ZNF595: variants seen among roughly 807,000 people sequenced by gnomAD.
ZNF595 encodes zinc finger protein 595.
ZNF595 carries 9 observed loss-of-function variants against 19.4 expected under a neutral mutation model. The observed-to-expected ratio is 0.46, with a 90% CI of 0.28 to 0.81. ZNF595 has a LOEUF of 0.81. ZNF595 is among the 30% of genes least tolerant of loss of function. The pLI is 0.11. For synonymous variants in ZNF595, 255 were observed against 255.9 expected, an observed-to-expected ratio of 1.00 and a Z score of 0.03; for missense variants, 729 against 736.0, an observed-to-expected ratio of 0.99 and a Z score of 0.11.
intron 3 of ZNF595, among the ~76,000 whole-genome samples, chr4:61,958 A>C (rs1437328963): frequency 6.9e-6 from 1 of 145,738 alleles, no homozygotes; most frequent in East Asian, 2.0e-4. Context: ...ACATTTTGAA[A>C]CAAAATGTCA....
chr4:86,012 G>A lies in ZNF595; in HGVS notation c.508G>A (p.Glu170Lys), dbSNP rs1714128131. The A allele has an allele frequency of 6.2e-7, 1 of 1,608,534 alleles. No homozygotes were observed. The highest frequency in any genetic ancestry group is 1.7e-5 in the Admixed American group (1 of 58,896). Reference sequence around the variant, plus strand: ...CAAACATAAGATAAGACATACTGGAGAGAAACCCTTTAAATGTACAGAATG... The same window carrying A: ...CAAACATAAGATAAGACATACTGGAAAGAAACCCTTTAAATGTACAGAATG... ...SNKHKIRHTGEKPFKCTECGR... is the reference protein window; with the variant it reads ...SNKHKIRHTGKKPFKCTECGR... Residue 170 changes from glutamate to lysine, a missense_variant, in exon 4 of 4, where the codon GAG becomes AAG. This residue lies in a region of ZNF595 where 729 missense variants were observed against 675.3 expected (regional missense o/e 1.08). Transcript: ENST00000610261.
At chr4:76,865 G>A (rs191606784) in intron 3 of ZNF595, among the ~76,000 whole-genome samples, 19 of 151,942 alleles carry the variant, frequency 1.3e-4, no homozygotes, top group Admixed American at 9.2e-4. Flanking sequence ...CTTTTCTCTT[G>A]CTTCTTTTAA....
At chr4:76,741 T>G (rs1462710141) in intron 3 of ZNF595, among the ~76,000 whole-genome samples, 2 of 152,214 alleles carry the variant, frequency 1.3e-5, no homozygotes, top group East Asian at 3.9e-4. Context: ...TTTTTTCATT[T>G]TCTCTCTTCA....
intron 3 of ZNF595, among the ~76,000 whole-genome samples, chr4:69,904 GC>G (rs782025266): frequency 6.6e-6 from 1 of 152,094 alleles, no homozygotes; most frequent in African/African-American, 2.4e-5. Flanking sequence ...ATAGTTCGAT[GC>G]GGGGGTCTGC....
At chr4:74,101 G>A (rs6599370) in intron 3 of ZNF595, among the ~76,000 whole-genome samples, 2,240 of 152,038 alleles carry the variant, frequency 0.015, 55 homozygotes, top group African/African-American at 0.051. Flanking sequence ...TGAGCTCAGG[G>A]GTTCGACACC....
intron 3 of ZNF595, chr4:67,904 TGAGGC>T: frequency 3.8e-6 from 2 of 533,032 alleles, no homozygotes; most frequent in East Asian, 3.0e-5. Flanking sequence ...TTTTTTTTTT[TGAGGC>T]GGAGTGGAGT....
At chr4:78,713 TTTTC>T (rs1302235351) in intron 3 of ZNF595, among the ~76,000 whole-genome samples, 14 of 152,166 alleles carry the variant, frequency 9.2e-5, no homozygotes, top group Non-Finnish European at 1.8e-4. Flanking sequence ...AACTTAAACA[TTTTC>T]TTTCTTTCTT....
At chr4:84,696 GCTT>G (rs1170226880) in intron 3 of ZNF595, among the ~76,000 whole-genome samples, 1 of 152,026 alleles carries the variant, frequency 6.6e-6, no homozygotes, top group Non-Finnish European at 1.5e-5. Flanking sequence ...AGTTTGTTGA[GCTT>G]CTTCATTTTT....
chr4:55,015 G>T (rs1712563131), intron 1 of ZNF595, among the ~76,000 whole-genome samples: 1 of 150,898 alleles, frequency 6.6e-6, no homozygotes, highest in African/African-American at 2.4e-5. Context: ...CCGAGTAGCT[G>T]GGATTACAGG....
intron 3 of ZNF595, among the ~76,000 whole-genome samples, chr4:79,545 G>C (rs1713816259): frequency 6.6e-6 from 1 of 152,110 alleles, no homozygotes. Context: ...GTAGGCTCAT[G>C]AATTTGTTAC....
chr4:87,479 A>C lies in ZNF595; in HGVS notation c.*28A>C. On this transcript the variant is annotated 3_prime_UTR_variant, in exon 4 of 4. Coordinates refer to ENST00000610261, the MANE Select transcript of ZNF595 (RefSeq NM_182524.4). ...GACATTTCTAGTAATCTCTAATTCC[A>C]GTGTCTTTACACAGCAAATAAATTG... 6.6e-7 allele frequency: 1 copy of C among 1,521,278 alleles called. No individual in the cohort carries two copies. The highest frequency in any genetic ancestry group is 8.8e-7 in the Non-Finnish European group (1 of 1,132,708). The allele number at this position is 1,521,278 out of a possible 1,614,324, so 94.2% of individuals were successfully genotyped here.
intron 3 of ZNF595, among the ~76,000 whole-genome samples, chr4:73,021 T>C (rs1713493965): frequency 1.3e-5 from 2 of 151,994 alleles, no homozygotes; most frequent in African/African-American, 4.8e-5. Context: ...GCAGATGCAG[T>C]GAGAGTTGGG....
intron 3 of ZNF595, among the ~76,000 whole-genome samples, chr4:66,276 G>C (rs1311456788): frequency 6.6e-6 from 1 of 150,472 alleles, no homozygotes; most frequent in Non-Finnish European, 1.5e-5. Context: ...CAATAATTGT[G>C]TATTTCATCT....
chr4:84,255 G>C (rs1553800657), intron 3 of ZNF595, among the ~76,000 whole-genome samples: 1 of 151,982 alleles, frequency 6.6e-6, no homozygotes, highest in Non-Finnish European at 1.5e-5. Context: ...TCATGATAAT[G>C]GTACAGAACC....
intron 3 of ZNF595, among the ~76,000 whole-genome samples, chr4:81,307 G>C (rs1375415370): frequency 1.3e-5 from 2 of 152,092 alleles, no homozygotes; most frequent in Non-Finnish European, 2.9e-5. Flanking sequence ...CAATATAAGA[G>C]TCTCTGTTTA....
intron 3 of ZNF595, among the ~76,000 whole-genome samples, chr4:81,016 A>G (rs1475296533): frequency 2.0e-5 from 3 of 151,554 alleles, no homozygotes; most frequent in Admixed American, 6.6e-5. Context: ...CCGGTGTGTG[A>G]TGTTCCTTCC....
chr4:68,897 A>G (rs1465041240), intron 3 of ZNF595, among the ~76,000 whole-genome samples: 2 of 152,028 alleles, frequency 1.3e-5, no homozygotes, highest in Admixed American at 1.3e-4. Flanking sequence ...CTTCCCCTGA[A>G]CCCCTCACTA....
At chr4:80,658 G>A (rs1419674293) in intron 3 of ZNF595, among the ~76,000 whole-genome samples, 1 of 152,140 alleles carries the variant, frequency 6.6e-6, no homozygotes, top group East Asian at 1.9e-4. Context: ...CTGGCAGGCA[G>A]GGACAGGGGT....
intron 3 of ZNF595, among the ~76,000 whole-genome samples, chr4:72,458 G>A (rs1174894156): frequency 2.0e-5 from 3 of 152,126 alleles, no homozygotes; most frequent in Non-Finnish European, 4.4e-5. Flanking sequence ...GGTTTATAGA[G>A]ATTTGCCAAA....
Sources: allele counts gnomAD v4.1 joint callset (sites outside exome capture counted in the v4.1 genomes callset), GRCh38; gene constraint gnomAD v4.1.1; regional missense constraint gnomAD v4.1.1; transcripts MANE v1.5; gene names NCBI Gene and HGNC (gene_info 2026-07-23, HGNC 2026-07-21).